Variants in CCDC85C observed in about 807,000 individuals in gnomAD.
CCDC85C encodes the protein coiled-coil domain-containing protein 85C.
In CCDC85C, 18 loss-of-function variants were observed where a neutral mutation model predicts 38.3. The ratio of observed to expected loss-of-function variants is 0.47; its 90% CI spans 0.33 to 0.70. The LOEUF (loss-of-function observed/expected upper bound fraction) is 0.70. CCDC85C is among the 30% of genes least tolerant of loss of function. The probability of loss-of-function intolerance (pLI) is 0.03; values close to 1 mark genes in which losing one functional copy is unlikely to be tolerated. For synonymous variants in CCDC85C, 264 were observed against 293.8 expected (o/e 0.90, Z 1.04); for missense variants, 566 against 621.2 (o/e 0.91, Z 0.94).
chr14:99,601,708 T>A (rs1595112935), intron 1 of CCDC85C, among the ~76,000 whole-genome samples: 1 of 152,096 alleles, frequency 6.6e-6, no homozygotes, highest in Non-Finnish European at 1.5e-5. Flanking sequence ...TTTGCGCTAC[T>A]CCCACTGCCC....
intron 1 of CCDC85C, among the ~76,000 whole-genome samples, chr14:99,559,332 C>T (rs550220598): frequency 6.6e-6 from 1 of 152,208 alleles, no homozygotes; most frequent in African/African-American, 2.4e-5. Context: ...GGGTTTCCCA[C>T]GTGATCGTTT....
At chr14:99,578,622 T>C (rs2054929930) in intron 1 of CCDC85C, among the ~76,000 whole-genome samples, 1 of 152,236 alleles carries the variant, frequency 6.6e-6, no homozygotes, top group East Asian at 1.9e-4. Flanking sequence ...CTCTTGGTCA[T>C]GTTCAATGAT....
chr14:99,598,001 T>A (rs1050241654), intron 1 of CCDC85C, among the ~76,000 whole-genome samples: 1 of 152,222 alleles, frequency 6.6e-6, no homozygotes, highest in Non-Finnish European at 1.5e-5. Context: ...GCCACGGCCA[T>A]AAAGCAGGTG....
chr14:99,518,388 C>G (rs1228295066), intron 3 of CCDC85C, among the ~76,000 whole-genome samples: 1 of 152,144 alleles, frequency 6.6e-6, no homozygotes, highest in African/African-American at 2.4e-5. Flanking sequence ...GCCCTGGGGT[C>G]TAGGAAAGCG....
At chr14:99,563,322 G>A (rs1175313399) in intron 1 of CCDC85C, among the ~76,000 whole-genome samples, 1 of 152,254 alleles carries the variant, frequency 6.6e-6, no homozygotes, top group Non-Finnish European at 1.5e-5. Flanking sequence ...CAATAGCCCC[G>A]CCAGATGGCG....
At position 99,514,268 on chromosome 14, in the gene CCDC85C, G is replaced by A. The variant is rs1337833061; in HGVS notation, c.*978C>T. The A allele has an allele frequency of 6.6e-6, 1 of 152,538 alleles. No individual in the cohort carries two copies. The highest frequency in any genetic ancestry group is 1.9e-4 in the East Asian group (1 of 5,218). The allele number at this position is 152,538 out of a possible 1,614,324, so 9.4% of individuals were successfully genotyped here. A position where few individuals can be genotyped will look rare whatever the true frequency, so the allele number is the denominator to read the frequency against. ...ACACCACAAACTAAAGGCAGAACCT[G>A]GCCAGACACGCTCCTTCCCAAAAAG... On this transcript the variant is annotated 3_prime_UTR_variant, in exon 6 of 6. Transcript: ENST00000380243.
At chr14:99,528,227 G>C (rs1897425744) in intron 2 of CCDC85C, among the ~76,000 whole-genome samples, 1 of 152,172 alleles carries the variant, frequency 6.6e-6, no homozygotes, top group Non-Finnish European at 1.5e-5. Context: ...CCTGAAGCCA[G>C]CTTCTCGGGC....
chr14:99,578,375 C>G (rs966157859), intron 1 of CCDC85C, among the ~76,000 whole-genome samples: 15 of 150,598 alleles, frequency 1.0e-4, no homozygotes, highest in African/African-American at 3.7e-4. Flanking sequence ...CTGTATCCCC[C>G]ATCGGTGTGT....
Position 99,502,906 on chromosome 14 carries a change from CCAG to C in CCDC85C, c.*12337_*12339del, listed in dbSNP as rs761142587. The C allele has an allele frequency of 6.2e-7, 1 of 1,613,726 alleles. No individual in the cohort carries two copies. The highest frequency in any genetic ancestry group is 8.5e-7 in the Non-Finnish European group (1 of 1,179,776). ...AGCAGAAGGACCCCCAGCAACCAGC[CCAG>C]CAGCAGCAGCCAGCCCAACAGCCCA... On this transcript the variant is annotated 3_prime_UTR_variant, in exon 6 of 6. Transcript: ENST00000380243.
Position 99,559,397 on chromosome 14 carries a change from G to A in CCDC85C, c.794-23309C>T, listed in dbSNP as rs141780627. On this transcript the variant is annotated intron_variant, in intron 1 of 5. Coordinates refer to ENST00000380243, the MANE Select transcript of CCDC85C (RefSeq NM_001144995.2). Reference sequence around the variant, plus strand: ...TAATGTGGCCATTCGTGGTAGTGCCGTAGGAAGCTATTACACCTTCTCTTA... The same window carrying A: ...TAATGTGGCCATTCGTGGTAGTGCCATAGGAAGCTATTACACCTTCTCTTA... 4.2e-3 allele frequency among the ~76,000 whole-genome samples: 633 copies of A among 152,266 alleles called. 1 individual carries two copies. The highest frequency in any genetic ancestry group is 0.015 in the African/African-American group (609 of 41,530).
At position 99,597,337 on chromosome 14, in the gene CCDC85C, T is replaced by C. The variant is rs554471672; in HGVS notation, c.793+5830A>G. Among the ~76,000 whole-genome samples the C allele has an allele frequency of 9.2e-5, 14 of 152,124 alleles. No individual in the cohort carries two copies. The South Asian group carries it at 2.9e-3, about 32-fold the overall frequency. Reference sequence around the variant, plus strand: ...GTCCCGCTTCCCACCTGGCTCTGGGTTCAACCAGATTGGATTGAACACACA... The same window carrying C: ...GTCCCGCTTCCCACCTGGCTCTGGGCTCAACCAGATTGGATTGAACACACA... On this transcript the variant is annotated intron_variant, in intron 1 of 5. Coordinates refer to ENST00000380243, the MANE Select transcript of CCDC85C (RefSeq NM_001144995.2).
Position 99,545,270 on chromosome 14 carries a change from T to A in CCDC85C, c.794-9182A>T, listed in dbSNP as rs1378571643. ...CAGGGGCCACTGGGCACCCAGCATT[T>A]AATTCCAGGAAAAGCCACGAGGCTT... On this transcript the variant is annotated intron_variant, in intron 1 of 5. Coordinates refer to ENST00000380243, the MANE Select transcript of CCDC85C (RefSeq NM_001144995.2). This position sits in a 1 kb window ranked among gnomAD's most constrained non-coding sequence, Gnocchi z 4.7. Among the ~76,000 whole-genome samples, 3 of 152,054 alleles carry A rather than the reference T, an allele frequency of 2.0e-5. No homozygotes were observed. The highest frequency in any genetic ancestry group is 7.2e-5 in the African/African-American group (3 of 41,398).
At position 99,533,194 on chromosome 14, in the gene CCDC85C, G is replaced by A. The variant is rs1897527505; in HGVS notation, c.867+2821C>T. ...TGCAGCATGGGGACAGGGCACCGGG[G>A]CCAAGGCCCCAGCAGCATACGGCTG... On this transcript the variant is annotated intron_variant, in intron 2 of 5. Coordinates refer to ENST00000380243, the MANE Select transcript of CCDC85C (RefSeq NM_001144995.2). The surrounding 1 kb of genome is among the most constrained non-coding windows in gnomAD (Gnocchi z 4.2). 6.6e-6 allele frequency among the ~76,000 whole-genome samples: 1 copy of A among 152,220 alleles called. No individual in the cohort carries two copies. Among genetic ancestry groups the A allele is most frequent in the Admixed American group, 6.5e-5 (1 of 15,292 alleles).
rs544041333 is a variant in CCDC85C, at chr14:99,528,237, C to T, written c.868-5997G>A. 1.1e-3 allele frequency among the ~76,000 whole-genome samples: 166 copies of T among 152,250 alleles called. 1 individual carries two copies. The highest frequency in any genetic ancestry group is 3.4e-3 in the Middle Eastern group (1 of 294). On this transcript the variant is annotated intron_variant, in intron 2 of 5. Transcript: ENST00000380243. The stretch of plus-strand genomic sequence containing the variant: ...CTCTACCTGAAGCCAGCTTCTCGGG[C>T]GGCCGTAGGGGCGGGGCAGCTAGAA...
rs1491085774 is a variant in CCDC85C, at chr14:99,532,780, TTC to T, written c.867+3233_867+3234del. 4.3e-3 allele frequency among the ~76,000 whole-genome samples: 455 copies of T among 106,048 alleles called. 2 individuals are homozygous for T. The highest frequency in any genetic ancestry group is 0.014 in the African/African-American group (418 of 30,654). 69.6% of individuals were successfully genotyped at this position (106,048 alleles called of 152,430 possible). ...GCTCCTCTGGTTCTTCTTCTTCTTCTTCTTTTTTTTTTTTTTTTTGAGGTGGA... is the reference window on the plus strand; with the variant it reads ...GCTCCTCTGGTTCTTCTTCTTCTTCTTTTTTTTTTTTTTTTTTGAGGTGGA... On this transcript the variant is annotated intron_variant, in intron 2 of 5. Transcript: ENST00000380243.
chr14:99,572,637 A>G lies in CCDC85C; in HGVS notation c.793+30530T>C, dbSNP rs2139964219. 2.2e-6 allele frequency: 1 copy of G among 454,868 alleles called. No homozygotes were observed. The highest frequency in any genetic ancestry group is 7.0e-5 in the East Asian group (1 of 14,370). 28.2% of individuals were successfully genotyped at this position (454,868 alleles called of 1,614,324 possible). Reference sequence around the variant, plus strand: ...AACCTTCCAGGGACGACAGCTGCTTATCATCCAAGCCCCAGGTGACCTGGC... The same window carrying G: ...AACCTTCCAGGGACGACAGCTGCTTGTCATCCAAGCCCCAGGTGACCTGGC... On this transcript the variant is annotated intron_variant, in intron 1 of 5. Transcript: ENST00000380243. This position sits in a 1 kb window ranked among gnomAD's most constrained non-coding sequence, Gnocchi z 4.4.
chr14:99,552,666 C>A (rs1828363641), intron 1 of CCDC85C, among the ~76,000 whole-genome samples: 1 of 152,238 alleles, frequency 6.6e-6, no homozygotes, highest in African/African-American at 2.4e-5. Context: ...CCAACCTCCA[C>A]CCAGGCCCTC....
In CCDC85C at chr14:99,503,026, A is replaced by G. The variant is rs1566751773; in HGVS notation, c.*12220T>C. On this transcript the variant is annotated 3_prime_UTR_variant, in exon 6 of 6. Coordinates refer to ENST00000380243, the MANE Select transcript of CCDC85C (RefSeq NM_001144995.2). Reference sequence around the variant, plus strand: ...AGGCCCTGGGTAGAGCAGGCTTTCCAGGTGGCGGCAACACCTGAGCACTGT... The same window carrying G: ...AGGCCCTGGGTAGAGCAGGCTTTCCGGGTGGCGGCAACACCTGAGCACTGT... 1 of 1,607,730 alleles carries G rather than the reference A, an allele frequency of 6.2e-7. No homozygotes were observed. Among genetic ancestry groups the G allele is most frequent in the Non-Finnish European group, 8.5e-7 (1 of 1,174,428 alleles).
At position 99,572,059 on chromosome 14, in the gene CCDC85C, C is replaced by T. The variant is rs571325527; in HGVS notation, c.793+31108G>A. Among the ~76,000 whole-genome samples, 484 of 152,268 alleles carry T rather than the reference C, an allele frequency of 3.2e-3. 1 individual carries two copies. Among genetic ancestry groups the T allele is most frequent in the African/African-American group, 0.01 (428 of 41,542 alleles). On this transcript the variant is annotated intron_variant, in intron 1 of 5. Coordinates refer to ENST00000380243, the MANE Select transcript of CCDC85C (RefSeq NM_001144995.2). This position sits in a 1 kb window ranked among gnomAD's most constrained non-coding sequence, Gnocchi z 4.4. ...CCACGGGGCATCTCAGAGCGTGATC[C>T]CCAGAGCCCCCAACCCTAACCCAGC...
Sources: gnomAD v4.1 joint callset for allele counts (sites outside exome capture counted in the v4.1 genomes callset) on GRCh38, gnomAD v4.1.1 for gene constraint, Gnocchi (gnomAD v3.1) non-coding constraint, MANE v1.5 for transcripts, NCBI Gene and HGNC (gene_info 2026-07-23, HGNC 2026-07-21) for gene names.